Variants in KANSL1 observed in about 807,000 individuals in gnomAD.
The protein encoded by KANSL1 is KAT8 regulatory NSL complex subunit 1.
A neutral mutation model predicts 103.6 loss-of-function variants in KANSL1; 22 were observed. That is an observed-to-expected ratio of 0.21 (90% CI 0.15 to 0.30). The LOEUF (loss-of-function observed/expected upper bound fraction) is 0.30, where lower values mean the gene tolerates loss of function less well. Among genes scored for constraint, KANSL1 ranks in the 10% least tolerant of loss-of-function variants. KANSL1 has a pLI of 1.00. For synonymous variants in KANSL1, 600 were observed against 527.6 expected (o/e 1.14, Z -1.88); for missense variants, 1,337 against 1,399.8 (o/e 0.96, Z 0.72).
chr17:46,184,887 T>C (rs1429685094), intron 1 of KANSL1, among the ~76,000 whole-genome samples: 1 of 149,630 alleles, frequency 6.7e-6, no homozygotes, highest in Non-Finnish European at 1.5e-5. Context: ...TCACCCGGGC[T>C]GGAGTGCAGC....
chr17:46,172,187 G>A lies in KANSL1; in HGVS notation c.-44C>T. On this transcript the variant is annotated 5_prime_UTR_variant, in exon 2 of 15. Coordinates refer to ENST00000432791, the MANE Select transcript of KANSL1 (RefSeq NM_015443.4). Reference sequence around the variant, plus strand: ...AAGTCCAGCCTCTCCCGATGCCGAGGCCGAGGCCAGCTCCACGGCCCCTTA... The same window carrying A: ...AAGTCCAGCCTCTCCCGATGCCGAGACCGAGGCCAGCTCCACGGCCCCTTA... 6.4e-7 allele frequency: 1 copy of A among 1,564,000 alleles called. No individual in the cohort carries two copies. Among genetic ancestry groups the A allele is most frequent in the Non-Finnish European group, 8.6e-7 (1 of 1,157,728 alleles).
chr17:46,086,357 T>A (rs141963018), intron 3 of KANSL1, among the ~76,000 whole-genome samples: 1 of 152,208 alleles, frequency 6.6e-6, no homozygotes, highest in African/African-American at 2.4e-5. Flanking sequence ...GGTCAAAGCT[T>A]ATGTCTCTAC....
chr17:46,194,532 CA>C (rs1471184968), upstream of KANSL1, among the ~76,000 whole-genome samples: 12 of 152,178 alleles, frequency 7.9e-5, no homozygotes, highest in African/African-American at 2.9e-4. Context: ...TAATGTAATA[CA>C]AAGTGTCACA....
intron 6 of KANSL1, among the ~76,000 whole-genome samples, chr17:46,059,014 T>A (rs531947091): frequency 7.2e-6 from 1 of 139,574 alleles, no homozygotes; most frequent in South Asian, 2.2e-4. Context: ...GCCACTGCAC[T>A]CCAGCCTGGG....
intron 2 of KANSL1, among the ~76,000 whole-genome samples, chr17:46,160,343 G>C (rs527249511): frequency 3.2e-4 from 48 of 152,188 alleles, no homozygotes; most frequent in Non-Finnish European, 1.3e-4. Flanking sequence ...TGCTGCTCAC[G>C]CTGGAGTGCG....
intron 2 of KANSL1, among the ~76,000 whole-genome samples, chr17:46,115,163 G>A (rs549945541): frequency 7.2e-5 from 11 of 152,266 alleles, no homozygotes; most frequent in East Asian, 1.9e-4. Flanking sequence ...GAGTTCAAGC[G>A]ATTCTCCTGC....
In KANSL1 at chr17:46,091,367, A is replaced by G. The variant is rs759958660; in HGVS notation, c.1431+3193T>C. The stretch of plus-strand genomic sequence containing the variant: ...AGAGTCAAAAAGTTTTAAAAACTTA[A>G]AAGTTTATAAAGCAAAAAGTTATAG... On this transcript the variant is annotated intron_variant, in intron 3 of 14. Coordinates refer to ENST00000432791, the MANE Select transcript of KANSL1 (RefSeq NM_015443.4). Among the ~76,000 whole-genome samples, 83 of 152,266 alleles carry G rather than the reference A, an allele frequency of 5.5e-4. 1 individual carries two copies. Among genetic ancestry groups the G allele is most frequent in the Non-Finnish European group, 4.4e-4 (30 of 68,048 alleles).
At chr17:46,186,141 C>T (rs535029617) in intron 1 of KANSL1, among the ~76,000 whole-genome samples, 2 of 151,658 alleles carry the variant, frequency 1.3e-5, no homozygotes, top group South Asian at 4.2e-4. Context: ...TTTGGGAGGC[C>T]GAGACGGGTG....
chr17:46,059,647 A>AAAAAAGAGAGAGAG (rs541946204), intron 6 of KANSL1, among the ~76,000 whole-genome samples: 2 of 54,872 alleles, frequency 3.6e-5, no homozygotes, highest in Admixed American at 2.5e-4. Context: ...AAAAAAAAAA[A>AAAAAAGAGAGAGAG]AGAGAGAGAG....
At chr17:46,181,924 A>G (rs542259209) in intron 1 of KANSL1, among the ~76,000 whole-genome samples, 1 of 152,120 alleles carries the variant, frequency 6.6e-6, no homozygotes, top group South Asian at 2.1e-4. Flanking sequence ...TTTTCAATAC[A>G]TAGCATCTCC....
chr17:46,075,888 G>A (rs2078748235), intron 4 of KANSL1, among the ~76,000 whole-genome samples: 2 of 152,126 alleles, frequency 1.3e-5, no homozygotes, highest in African/African-American at 4.8e-5. Flanking sequence ...GCTTCAGCAA[G>A]TCCATAAGAC....
At chr17:46,048,246 C>T (rs2077586070) in intron 7 of KANSL1, among the ~76,000 whole-genome samples, 4 of 151,996 alleles carry the variant, frequency 2.6e-5, no homozygotes, top group Admixed American at 2.0e-4. Flanking sequence ...ACACAAACAG[C>T]CATAACATAA....
At chr17:46,056,996 A>T (rs1437956744) in intron 6 of KANSL1, among the ~76,000 whole-genome samples, 1 of 152,228 alleles carries the variant, frequency 6.6e-6, no homozygotes, top group Non-Finnish European at 1.5e-5. Flanking sequence ...AATCACTGAG[A>T]ACCATGAGGT....
intron 2 of KANSL1, 90 bp from the exon 3 acceptor site, chr17:46,094,791 G>A: frequency 6.8e-7 from 1 of 1,476,250 alleles, no homozygotes; most frequent in Admixed American, 1.8e-5. Flanking sequence ...ACTTTTAAAG[G>A]CCCTTGCAGA....
chr17:46,062,096 AAAAAAAAAAAAAACAAACAAAC>A (rs2078182236), intron 6 of KANSL1, among the ~76,000 whole-genome samples: 1 of 57,822 alleles, frequency 1.7e-5, no homozygotes, highest in South Asian at 5.9e-4. Flanking sequence ...CGACTCAAAA[AAAAAAAAAAAAAACAAACAAAC>A]AAAAAAAAAA....
intron 2 of KANSL1, among the ~76,000 whole-genome samples, chr17:46,142,761 G>A (rs1205878018): frequency 2.6e-5 from 4 of 152,218 alleles, no homozygotes; most frequent in African/African-American, 7.2e-5. Context: ...TTGGAGTGTG[G>A]TTAAACAAAA....
At chr17:46,041,878 TTGTGTGTGTGTGTGTGTGTG>T (rs146582763) in intron 7 of KANSL1, 2 of 122,648 alleles carry the variant, frequency 1.6e-5, no homozygotes, top group African/African-American at 2.8e-5. Context: ...GAAATTTATT[TTGTGTGTGTGTGTGTGTGTG>T]TGTGTGTGTG....
At chr17:46,078,727 C>T (rs903534349) in intron 4 of KANSL1, among the ~76,000 whole-genome samples, 13 of 152,146 alleles carry the variant, frequency 8.5e-5, no homozygotes, top group South Asian at 4.1e-4. Flanking sequence ...CCCTTCTTTG[C>T]TCATTACTTT....
At chr17:46,070,863 T>A (rs1377348258) in intron 4 of KANSL1, among the ~76,000 whole-genome samples, 1 of 152,154 alleles carries the variant, frequency 6.6e-6, no homozygotes, top group Non-Finnish European at 1.5e-5. Flanking sequence ...TGACTCTCCA[T>A]TTGATTAAGT....
Sources: allele counts gnomAD v4.1 joint callset (sites outside exome capture counted in the v4.1 genomes callset), GRCh38; gene constraint gnomAD v4.1.1; transcripts MANE v1.5; gene names NCBI Gene and HGNC (gene_info 2026-07-23, HGNC 2026-07-21).